Variants in DPYSL3 observed in about 807,000 individuals in gnomAD.
DPYSL3 encodes dihydropyrimidinase like 3, also known as dihydropyrimidinase-related protein 3.
DPYSL3 carries 16 observed loss-of-function variants against 66.1 expected under a neutral mutation model. The observed-to-expected ratio is 0.24, with a 90% CI of 0.16 to 0.37. DPYSL3 has a LOEUF of 0.37. DPYSL3 is among the 10% of genes least tolerant of loss of function. DPYSL3 has a pLI of 1.00. For missense variants in DPYSL3, 738 were observed against 916.2 expected, an observed-to-expected ratio of 0.81 and a Z score of 2.51; for synonymous variants, 338 against 345.1, an observed-to-expected ratio of 0.98 and a Z score of 0.23.
At chr5:147,489,874 T>C (rs565058428) in intron 1 of DPYSL3, among the ~76,000 whole-genome samples, 2 of 152,144 alleles carry the variant, frequency 1.3e-5, no homozygotes, top group African/African-American at 2.4e-5. Flanking sequence ...ATTTGGGTAA[T>C]GGGCAAACCT....
chr5:147,424,361 C>A (rs1055990385), intron 2 of DPYSL3, among the ~76,000 whole-genome samples: 19 of 152,190 alleles, frequency 1.2e-4, no homozygotes, highest in African/African-American at 4.6e-4. Flanking sequence ...ATAAAACTTA[C>A]CTGGCTGTGC....
intron 1 of DPYSL3, among the ~76,000 whole-genome samples, chr5:147,432,434 T>C (rs1226006708): frequency 6.6e-6 from 1 of 152,172 alleles, no homozygotes; most frequent in African/African-American, 2.4e-5. Flanking sequence ...ATTTTAAAGA[T>C]GTCATTATCA....
chr5:147,475,748 C>G (rs1177073687), intron 1 of DPYSL3, among the ~76,000 whole-genome samples: 2 of 152,004 alleles, frequency 1.3e-5, no homozygotes, highest in African/African-American at 2.4e-5. Context: ...AAAGGGTTGT[C>G]TTAACATGCT....
chr5:147,395,690 A>G lies in DPYSL3; in HGVS notation c.1835T>C (p.Met612Thr). Residue 612 changes from methionine to threonine, a missense_variant, in exon 13 of 14, where the codon ATG (methionine) becomes ACG (threonine). By Grantham distance (81) the Met-to-Thr change is moderately conservative. Coordinates refer to ENST00000343218, the MANE Select transcript of DPYSL3 (RefSeq NM_001197294.2). ...CAGGTCAAACACAGGCCCATCGTACATGCCCCTTGGGACGGCATGCAGGTC... is the reference window on the plus strand; with the variant it reads ...CAGGTCAAACACAGGCCCATCGTACGTGCCCCTTGGGACGGCATGCAGGTC... Reference protein sequence around the residue: ...MADLHAVPRGMYDGPVFDLTT... With the variant: ...MADLHAVPRGTYDGPVFDLTT... 3 of 1,614,078 alleles carry G rather than the reference A, an allele frequency of 1.9e-6. No homozygotes were observed. The highest frequency in any genetic ancestry group is 2.5e-6 in the Non-Finnish European group (3 of 1,180,030).
chr5:147,453,399 G>T, intron 1 of DPYSL3: 1 of 1,245,040 alleles, frequency 8.0e-7, no homozygotes, highest in South Asian at 1.9e-5. Context: ...CGGCTGGACT[G>T]ACCGCCGCGC....
chr5:147,454,826 G>T (rs1423737879), intron 1 of DPYSL3, among the ~76,000 whole-genome samples: 1 of 152,160 alleles, frequency 6.6e-6, no homozygotes, highest in Non-Finnish European at 1.5e-5. Context: ...AAAATCAAAC[G>T]GCCAAAGGGA....
At chr5:147,508,710 G>A (rs544916457) in intron 1 of DPYSL3, among the ~76,000 whole-genome samples, 2 of 152,314 alleles carry the variant, frequency 1.3e-5, no homozygotes, top group East Asian at 3.9e-4. Flanking sequence ...GCACATTTAA[G>A]AGCAGCAGGG....
intron 4 of DPYSL3, among the ~76,000 whole-genome samples, chr5:147,414,096 C>T (rs1039785631): frequency 6.6e-6 from 1 of 152,154 alleles, no homozygotes; most frequent in Non-Finnish European, 1.5e-5. Flanking sequence ...GTTTCCTCAC[C>T]TGTTAAATGG....
intron 1 of DPYSL3, among the ~76,000 whole-genome samples, chr5:147,435,449 A>G (rs1407812885): frequency 1.3e-5 from 2 of 152,172 alleles, no homozygotes; most frequent in African/African-American, 4.8e-5. Flanking sequence ...TACACAACCA[A>G]TCATTGGGAG....
chr5:147,412,882 T>C (rs1477076404), intron 5 of DPYSL3, among the ~76,000 whole-genome samples, 194 bp from the exon 6 acceptor site: 1 of 152,154 alleles, frequency 6.6e-6, no homozygotes, highest in Non-Finnish European at 1.5e-5. Context: ...ACTCTGACTA[T>C]ATAAAGAACC....
chr5:147,423,705 G>A (rs923437364), intron 2 of DPYSL3, among the ~76,000 whole-genome samples: 27 of 150,580 alleles, frequency 1.8e-4, no homozygotes, highest in South Asian at 8.4e-4. Context: ...GGTTTTGTTT[G>A]TTTGTTTGTT....
chr5:147,493,151 C>T (rs553532053), intron 1 of DPYSL3, among the ~76,000 whole-genome samples: 1 of 152,176 alleles, frequency 6.6e-6, no homozygotes, highest in African/African-American at 2.4e-5. Context: ...GGCATAACAA[C>T]CCTCAATGTG....
chr5:147,488,398 T>C (rs1267519898), intron 1 of DPYSL3, among the ~76,000 whole-genome samples: 1 of 152,212 alleles, frequency 6.6e-6, no homozygotes, highest in Non-Finnish European at 1.5e-5. Context: ...CATGTGGACC[T>C]GGATGTGAGT....
chr5:147,492,210 T>A (rs1753426514), intron 1 of DPYSL3, among the ~76,000 whole-genome samples: 1 of 152,070 alleles, frequency 6.6e-6, no homozygotes. Context: ...ATGAAGAAGA[T>A]ATATTCTTCT....
intron 1 of DPYSL3, among the ~76,000 whole-genome samples, chr5:147,482,966 G>C (rs765872215): frequency 6.6e-6 from 1 of 152,162 alleles, no homozygotes; most frequent in Non-Finnish European, 1.5e-5. Flanking sequence ...CAGATCTCGT[G>C]AGAACTCACT....
At chr5:147,483,290 C>T (rs930213) in intron 1 of DPYSL3, among the ~76,000 whole-genome samples, 1,885 of 152,294 alleles carry the variant, frequency 0.012, 77 homozygotes, top group East Asian at 0.11. Context: ...ATAAGAGGTA[C>T]TTTTAAAAGC....
At chr5:147,460,633 G>C (rs552923474) in intron 1 of DPYSL3, among the ~76,000 whole-genome samples, 83 of 152,334 alleles carry the variant, frequency 5.4e-4, no homozygotes, top group African/African-American at 1.9e-3. Flanking sequence ...AAGAGTCACT[G>C]TGTCTAGACA....
At chr5:147,464,100 A>G (rs1752973904) in intron 1 of DPYSL3, among the ~76,000 whole-genome samples, 1 of 152,144 alleles carries the variant, frequency 6.6e-6, no homozygotes. Context: ...TTTTAACCAG[A>G]AGCTACCATC....
chr5:147,397,649 G>C lies in DPYSL3; in HGVS notation c.1803+17C>G, dbSNP rs1311384363. 1.9e-6 allele frequency: 3 copies of C among 1,609,506 alleles called. No individual in the cohort carries two copies. The East Asian group carries it at 6.7e-5, about 36-fold the overall frequency. On this transcript the variant is annotated intron_variant, in intron 12 of 13. Transcript: ENST00000343218. ...CACAAAGCTCCTGCACCACCTCAGAGCTCCAATGCTTTTTACCTTCCTCCG... is the reference window on the plus strand; with the variant it reads ...CACAAAGCTCCTGCACCACCTCAGACCTCCAATGCTTTTTACCTTCCTCCG...
Sources: gnomAD v4.1 joint callset for allele counts (sites outside exome capture counted in the v4.1 genomes callset) on GRCh38, gnomAD v4.1.1 for gene constraint, MANE v1.5 for transcripts, NCBI Gene and HGNC (gene_info 2026-07-23, HGNC 2026-07-21) for gene names.